Variants in NRROS observed in about 807,000 individuals in gnomAD.
The protein encoded by NRROS is negative regulator of reactive oxygen species, also known as transforming growth factor beta activator LRRC33.
In NRROS, 6 loss-of-function variants were observed where a neutral mutation model predicts 12.0. That is an observed-to-expected ratio of 0.50 (90% CI 0.27 to 0.98). NRROS has a LOEUF of 0.98. Among genes scored for constraint, NRROS ranks in the 50% least tolerant of loss-of-function variants. The probability of loss-of-function intolerance (pLI) is 0.11; values close to 1 mark genes in which losing one functional copy is unlikely to be tolerated. For synonymous variants in NRROS, 462 were observed against 410.2 expected, an observed-to-expected ratio of 1.13 and a Z score of -1.53; for missense variants, 857 against 888.2, an observed-to-expected ratio of 0.96 and a Z score of 0.45.
At position 196,661,486 on chromosome 3, in the gene NRROS, G is replaced by A. The variant is rs1560057330; in HGVS notation, c.1843G>A (p.Asp615Asn). 5.6e-6 allele frequency: 9 copies of A among 1,607,244 alleles called. No individual in the cohort carries two copies. Among genetic ancestry groups the A allele is most frequent in the East Asian group, 4.5e-5 (2 of 44,718 alleles). ...CCTGCAGCATGGGCAGACGGTGGCC[G>A]ACTGGGCCATGGTCACCTGCAACCT... ...GALQHGQTVADWAMVTCNLSS... is the reference protein window; with the variant it reads ...GALQHGQTVANWAMVTCNLSS... Residue 615 changes from aspartate to asparagine, a missense_variant, in exon 3 of 3, where the codon GAC (aspartate) becomes AAC (asparagine). Coordinates refer to ENST00000328557, the MANE Select transcript of NRROS (RefSeq NM_198565.3).
At chr3:196,657,010 C>G (rs756983517) in intron 2 of NRROS, among the ~76,000 whole-genome samples, 144 of 151,934 alleles carry the variant, frequency 9.5e-4, no homozygotes, top group Non-Finnish European at 1.7e-3. Context: ...TTGAGACCAG[C>G]CTGACCAACA....
intron 1 of NRROS, among the ~76,000 whole-genome samples, chr3:196,647,455 T>C (rs1737333874): frequency 6.6e-6 from 1 of 152,072 alleles, no homozygotes; most frequent in African/African-American, 2.4e-5. Flanking sequence ...TTTGTTGTTC[T>C]AATCCTCAAT....
In NRROS at chr3:196,659,872, C is replaced by T. The variant is rs866897661; in HGVS notation, c.229C>T (p.Leu77Phe). The T allele has an allele frequency of 6.2e-7, 1 of 1,614,164 alleles. No homozygotes were observed. The highest frequency in any genetic ancestry group is 8.5e-7 in the Non-Finnish European group (1 of 1,180,006). The change falls in exon 3 of 3, where the codon CTC becomes TTC. Residue 77 changes from leucine to phenylalanine, a missense_variant. Coordinates refer to ENST00000328557, the MANE Select transcript of NRROS (RefSeq NM_198565.3). ...NPLKTLWNHS[L>F]QPYPLLESLS... ...TCTCAAGACCCTGTGGAATCACTCCCTCCAGCCTTACCCTCTCCTGGAGAG... is the reference window on the plus strand; with the variant it reads ...TCTCAAGACCCTGTGGAATCACTCCTTCCAGCCTTACCCTCTCCTGGAGAG...
chr3:196,661,509 C>G lies in NRROS; in HGVS notation c.1866C>G (p.Asn622Lys). Reference sequence around the variant, plus strand: ...CCGACTGGGCCATGGTCACCTGCAACCTCTCCTCCAAGATCATCCGCGTGA... The same window carrying G: ...CCGACTGGGCCATGGTCACCTGCAAGCTCTCCTCCAAGATCATCCGCGTGA... ...TVADWAMVTC[N>K]LSSKIIRVTE... Residue 622 changes from asparagine (N) to lysine (K), a missense_variant, in exon 3 of 3, where the codon AAC (asparagine) becomes AAG (lysine). By Grantham distance (94) the Asn-to-Lys change is moderately conservative. Coordinates refer to ENST00000328557, the MANE Select transcript of NRROS (RefSeq NM_198565.3). 6.2e-7 allele frequency: 1 copy of G among 1,612,548 alleles called. No homozygotes were observed. Among genetic ancestry groups the G allele is most frequent in the Non-Finnish European group, 8.5e-7 (1 of 1,178,844 alleles).
intron 2 of NRROS, among the ~76,000 whole-genome samples, chr3:196,655,268 C>G (rs1737513720): frequency 6.7e-6 from 1 of 148,296 alleles, no homozygotes; most frequent in Non-Finnish European, 1.5e-5. Flanking sequence ...GGCGCGGTGG[C>G]TCACGCCTGT....
chr3:196,661,460 C>G lies in NRROS; in HGVS notation c.1817C>G (p.Ala606Gly). The G allele has an allele frequency of 6.3e-7, 1 of 1,598,974 alleles. No homozygotes were observed. The highest frequency in any genetic ancestry group is 8.5e-7 in the Non-Finnish European group (1 of 1,170,524). ...YDCCGVDGWG[A>G]LQHGQTVADW... ...TGCTGTGGGGTGGATGGCTGGGGGG[C>G]CCTGCAGCATGGGCAGACGGTGGCC... The change falls in exon 3 of 3, where the codon GCC (alanine) becomes GGC (glycine). Residue 606 changes from alanine (A) to glycine (G), a missense_variant. Coordinates refer to ENST00000328557, the MANE Select transcript of NRROS (RefSeq NM_198565.3).
Position 196,661,721 on chromosome 3 carries a change from G to A in NRROS, c.2078G>A (p.Ter693=). 1 of 1,582,212 alleles carries A rather than the reference G, an allele frequency of 6.3e-7. No homozygotes were observed. Among genetic ancestry groups the A allele is most frequent in the South Asian group, 1.1e-5 (1 of 90,138 alleles). ...KSRCHWSSVY[*] ...CGCTGCCACTGGTCCTCCGTTTACTGACCTGGCTGTGTGCCAAGACTCGAA... is the reference window on the plus strand; with the variant it reads ...CGCTGCCACTGGTCCTCCGTTTACTAACCTGGCTGTGTGCCAAGACTCGAA... The change falls in exon 3 of 3, where the codon TGA becomes TAA. Residue 693 remains the stop codon, a stop_retained_variant. Transcript: ENST00000328557.
In NRROS at chr3:196,654,158, T is replaced by C. The variant is rs1287823464; in HGVS notation, c.-13-369T>C. ...GAGCTCAGGGGATGCATCAGACCGA[T>C]TGGAGCTGGAGGCAGGAAAACTTCA... On this transcript the variant is annotated intron_variant, in intron 1 of 2. Coordinates refer to ENST00000328557, the MANE Select transcript of NRROS (RefSeq NM_198565.3). The surrounding 1 kb of genome is among the most constrained non-coding windows in gnomAD (Gnocchi z 4.4). Among the ~76,000 whole-genome samples the C allele has an allele frequency of 1.3e-5, 2 of 152,128 alleles. No homozygotes were observed. Among genetic ancestry groups the C allele is most frequent in the Non-Finnish European group, 2.9e-5 (2 of 68,018 alleles).
At chr3:196,652,303 A>G (rs1238501636) in intron 1 of NRROS, among the ~76,000 whole-genome samples, 1 of 152,160 alleles carries the variant, frequency 6.6e-6, no homozygotes, top group Non-Finnish European at 1.5e-5. Context: ...CAGTCAACTC[A>G]CTGGTGTTTG....
At chr3:196,640,517 G>A (rs113708208) in intron 1 of NRROS, among the ~76,000 whole-genome samples, 4 of 152,312 alleles carry the variant, frequency 2.6e-5, no homozygotes, top group African/African-American at 4.8e-5. Context: ...ATTCACTGGG[G>A]CTCTGTGACT....
intron 2 of NRROS, among the ~76,000 whole-genome samples, chr3:196,658,855 A>G (rs1184552839): frequency 6.6e-6 from 1 of 152,176 alleles, no homozygotes; most frequent in Admixed American, 6.5e-5. Context: ...CTGTAATCCC[A>G]GCTACTCGGG....
chr3:196,642,147 A>C (rs1737220706), intron 1 of NRROS, among the ~76,000 whole-genome samples: 1 of 152,124 alleles, frequency 6.6e-6, no homozygotes, highest in Non-Finnish European at 1.5e-5. Flanking sequence ...CAGAGACGTG[A>C]AGGAAAAAGG....
At chr3:196,640,103 A>G (rs1490031246) in intron 1 of NRROS, among the ~76,000 whole-genome samples, 1 of 152,094 alleles carries the variant, frequency 6.6e-6, no homozygotes, top group Non-Finnish European at 1.5e-5. Flanking sequence ...GAGCACTTAG[A>G]GCTGAGAAAG....
At chr3:196,650,590 A>T (rs751937020) in intron 1 of NRROS, among the ~76,000 whole-genome samples, 39 of 152,228 alleles carry the variant, frequency 2.6e-4, no homozygotes, top group Non-Finnish European at 5.9e-5. Context: ...CGCAACAAAC[A>T]TAATTTCTAA....
intron 1 of NRROS, among the ~76,000 whole-genome samples, chr3:196,644,527 C>T (rs913702975): frequency 6.6e-5 from 10 of 152,088 alleles, no homozygotes; most frequent in African/African-American, 2.4e-4. Flanking sequence ...CCTGTAATCC[C>T]AGCACTTTGG....
intron 1 of NRROS, 27 bp downstream of exon 1, chr3:196,639,902 C>T (rs1018766680): frequency 8.5e-5 from 13 of 152,322 alleles, no homozygotes; most frequent in African/African-American, 2.7e-4. Context: ...TGGGGGCGTC[C>T]CCGGGGCACA....
At chr3:196,658,289 T>C (rs918366183) in intron 2 of NRROS, among the ~76,000 whole-genome samples, 1 of 152,322 alleles carries the variant, frequency 6.6e-6, no homozygotes, top group East Asian at 1.9e-4. Flanking sequence ...GTAGGTAATA[T>C]CTTACGAAAG....
At chr3:196,653,750 G>A (rs564067145) in intron 1 of NRROS, among the ~76,000 whole-genome samples, 1 of 152,340 alleles carries the variant, frequency 6.6e-6, no homozygotes, top group East Asian at 1.9e-4. Flanking sequence ...CCTGGCAAAT[G>A]TGATGAGTAT....
Position 196,643,587 on chromosome 3 carries a change from C to T in NRROS, c.-14+3712C>T, listed in dbSNP as rs1183777504. 2.6e-5 allele frequency among the ~76,000 whole-genome samples: 4 copies of T among 152,270 alleles called. 1 individual carries two copies. The highest frequency in any genetic ancestry group is 2.1e-4 in the South Asian group (1 of 4,818). On this transcript the variant is annotated intron_variant, in intron 1 of 2. Coordinates refer to ENST00000328557, the MANE Select transcript of NRROS (RefSeq NM_198565.3). ...CCAGGAGAGAGAGCACATAACGCTC[C>T]GTCTTTTCACCTGTCTGTTCTCAAG... is the stretch of plus-strand genomic sequence containing the variant.
Sources: allele counts gnomAD v4.1 joint callset (sites outside exome capture counted in the v4.1 genomes callset), GRCh38; gene constraint gnomAD v4.1.1; non-coding constraint Gnocchi (gnomAD v3.1); transcripts MANE v1.5; gene names NCBI Gene and HGNC (gene_info 2026-07-23, HGNC 2026-07-21).